The following EPB41 variants were observed in gnomAD, a reference collection of about 807,000 sequenced individuals.
EPB41 encodes the protein protein 4.1.
A neutral mutation model predicts 108.0 loss-of-function variants in EPB41; 65 were observed. The ratio of observed to expected loss-of-function variants is 0.60; its 90% CI spans 0.49 to 0.74. The LOEUF (loss-of-function observed/expected upper bound fraction) is 0.74, where lower values mean the gene tolerates loss of function less well. EPB41 is among the 30% of genes least tolerant of loss of function. The pLI is 0.00. For missense variants in EPB41, 875 were observed against 1,037.0 expected (o/e 0.84, Z 2.15); for synonymous variants, 336 against 358.9 (o/e 0.94, Z 0.72).
chr1:28,912,303 C>G (rs939017577), upstream of EPB41, among the ~76,000 whole-genome samples: 1 of 152,030 alleles, frequency 6.6e-6, no homozygotes, highest in African/African-American at 2.4e-5. Context: ...AGTAGAAAGT[C>G]AAGTAGGGTA....
intron 2 of EPB41, among the ~76,000 whole-genome samples, chr1:28,990,827 A>G (rs1035976414): frequency 4.6e-5 from 7 of 152,210 alleles, no homozygotes; most frequent in African/African-American, 1.2e-4. Flanking sequence ...TCTAAAGTTC[A>G]TAGATTCGTA....
At chr1:29,062,416 T>G (rs1183213187) in intron 15 of EPB41, among the ~76,000 whole-genome samples, 1 of 152,200 alleles carries the variant, frequency 6.6e-6, no homozygotes, top group Admixed American at 6.5e-5. Context: ...AGCATTTCAT[T>G]GACAGCCCTG....
chr1:28,959,054 C>G (rs1429368539), intron 1 of EPB41, among the ~76,000 whole-genome samples: 1 of 151,124 alleles, frequency 6.6e-6, no homozygotes, highest in Non-Finnish European at 1.5e-5. Context: ...AAGGCAGATG[C>G]AGGGAAGTGC....
At chr1:28,998,487 G>C (rs1409292047) in intron 4 of EPB41, among the ~76,000 whole-genome samples, 2 of 152,170 alleles carry the variant, frequency 1.3e-5, no homozygotes, top group Admixed American at 6.5e-5. Flanking sequence ...AAGAAAAGTT[G>C]AAGGGCAGCA....
chr1:28,972,364 C>G (rs1171404193), intron 1 of EPB41, among the ~76,000 whole-genome samples: 1 of 152,190 alleles, frequency 6.6e-6, no homozygotes, highest in East Asian at 1.9e-4. Context: ...CCAGGTGGTA[C>G]ACTTTTAGAC....
chr1:29,112,371 G>A lies in EPB41; in HGVS notation c.2419G>A (p.Val807Ile). 1 of 1,612,852 alleles carries A rather than the reference G, an allele frequency of 6.2e-7. No homozygotes were observed. Among genetic ancestry groups the A allele is most frequent in the Non-Finnish European group, 8.5e-7 (1 of 1,179,190 alleles). Residue 807 changes from valine (V) to isoleucine (I), a missense_variant, in exon 19 of 21, where the codon GTA (valine) becomes ATA (isoleucine). Transcript: ENST00000343067. ...GACATCTTCTCTTTGGTTCCAGACTGTAAAAGGTGGGATTTCAGAGACACG... is the reference window on the plus strand; with the variant it reads ...GACATCTTCTCTTTGGTTCCAGACTATAAAAGGTGGGATTTCAGAGACACG... Reference protein sequence around the residue: ...STTTTQITKTVKGGISETRIE... With the variant: ...STTTTQITKTIKGGISETRIE...
intron 4 of EPB41, among the ~76,000 whole-genome samples, chr1:29,001,425 A>G (rs972144339): frequency 1.3e-5 from 2 of 152,146 alleles, no homozygotes; most frequent in African/African-American, 4.8e-5. Context: ...ATCTCCCATC[A>G]CTATCATCCT....
Position 29,058,613 on chromosome 1 carries a change from A to C in EPB41, c.1870A>C (p.Thr624Pro), listed in dbSNP as rs1028510693. 2 of 1,613,686 alleles carry C rather than the reference A, an allele frequency of 1.2e-6. No individual in the cohort carries two copies. The highest frequency in any genetic ancestry group is 1.7e-5 in the Admixed American group (1 of 59,976). The stretch of plus-strand genomic sequence containing the variant: ...GGTGGAAAAAACCCACATCGAGGTG[A>C]CAGTACCCACCTCAAATGGTGACCA... ...WKVEKTHIEV[T>P]VPTSNGDQTQ... The change falls in exon 13 of 21, where the codon ACA (threonine) becomes CCA (proline). Residue 624 changes from threonine to proline, a missense_variant. Thr to Pro is a conservative substitution (Grantham distance 38). This residue lies in a region of EPB41 where 519 missense variants were observed against 627.3 expected (regional missense o/e 0.83). Coordinates refer to ENST00000343067, the MANE Select transcript of EPB41 (RefSeq NM_001376013.1).
intron 1 of EPB41, among the ~76,000 whole-genome samples, chr1:28,915,298 C>T (rs2092546211): frequency 1.3e-5 from 2 of 152,160 alleles, no homozygotes; most frequent in South Asian, 4.1e-4. Flanking sequence ...AACATGTTCC[C>T]CCTTAGTCTT....
chr1:28,972,592 A>T (rs769942902), intron 1 of EPB41, among the ~76,000 whole-genome samples: 1 of 151,992 alleles, frequency 6.6e-6, no homozygotes, highest in Non-Finnish European at 1.5e-5. Flanking sequence ...TGATTCACTC[A>T]GTATGGCAAG....
chr1:29,057,273 G>T (rs1156534606), intron 12 of EPB41, among the ~76,000 whole-genome samples: 1 of 150,660 alleles, frequency 6.6e-6, no homozygotes, highest in African/African-American at 2.4e-5. Context: ...CTACTTGGGA[G>T]GCTGAGGCAG....
In EPB41 at chr1:28,997,310, A is replaced by G; in HGVS notation, c.777A>G (p.Ala259=). The change falls in exon 4 of 21, where the codon GCA becomes GCG. Residue 259 remains alanine, a synonymous_variant. Transcript: ENST00000343067. Reference sequence around the variant, plus strand: ...TTGGTCTAGCCATTTGGGATAACGCAACCTCTAAGGTGAGGAGACTGCTTG... The same window carrying G: ...TTGGTCTAGCCATTTGGGATAACGCGACCTCTAAGGTGAGGAGACTGCTTG... ...DYFGLAIWDN[A]TSKTWLDSAK... is the part of the protein sequence containing the mutation. 1 of 1,604,652 alleles carries G rather than the reference A, an allele frequency of 6.2e-7. No individual in the cohort carries two copies. Among genetic ancestry groups the G allele is most frequent in the Non-Finnish European group, 8.5e-7 (1 of 1,171,386 alleles).
chr1:29,092,722 G>T (rs1219787201), intron 16 of EPB41, among the ~76,000 whole-genome samples: 1 of 151,872 alleles, frequency 6.6e-6, no homozygotes, highest in Non-Finnish European at 1.5e-5. Flanking sequence ...CCTCAAGTAG[G>T]CCCTGGTGTC....
At position 29,018,051 on chromosome 1, in the gene EPB41, CA is replaced by C. The variant is rs2150058056; in HGVS notation, c.906-171del. ...AATAGCGCAATGAACTACCATATAC[CA>C]ACTACCTAGATTGAAGTTATTATTA... On this transcript the variant is annotated intron_variant, in intron 6 of 20. Transcript: ENST00000343067. The surrounding 1 kb of genome is among the most constrained non-coding windows in gnomAD (Gnocchi z 4.4). 6.6e-6 allele frequency among the ~76,000 whole-genome samples: 1 copy of C among 151,978 alleles called. No individual in the cohort carries two copies. The highest frequency in any genetic ancestry group is 2.4e-5 in the African/African-American group (1 of 41,442).
chr1:29,061,572 G>GTTTTTTTT lies in EPB41; in HGVS notation c.2007+1107_2007+1114dup, dbSNP rs34413393. Among the ~76,000 whole-genome samples, 448 of 64,036 alleles carry GTTTTTTTT rather than the reference G, an allele frequency of 7.0e-3. 84 individuals carry two copies. The highest frequency in any genetic ancestry group is 0.025 in the African/African-American group (406 of 16,296). The allele number at this position is 64,036 out of a possible 152,430, so 42.0% of individuals were successfully genotyped here. A position where few individuals can be genotyped will look rare whatever the true frequency, so the allele number is the denominator to read the frequency against. ...GCGTGAGCCACTGCGCCTGGCCTTT[G>GTTTTTTTT]TTTTTTTTTTTTTTTTTTTTTTTTT... On this transcript the variant is annotated intron_variant, in intron 15 of 20. Transcript: ENST00000343067.
chr1:28,954,732 T>C (rs574102801), intron 1 of EPB41, among the ~76,000 whole-genome samples: 1 of 152,328 alleles, frequency 6.6e-6, no homozygotes, highest in Admixed American at 6.5e-5. Context: ...GTTTAAGGCA[T>C]GTTTGGTTTA....
At chr1:28,915,731 C>CTTTTTTTTTTTTTTTTTTTTTTTTTTGTT (rs11321625) in intron 1 of EPB41, among the ~76,000 whole-genome samples, 1 of 56,074 alleles carries the variant, frequency 1.8e-5, no homozygotes, top group Non-Finnish European at 3.1e-5. Flanking sequence ...TTTTCAGATG[C>CTTTTTTTTTTTTTTTTTTTTTTTTTTGTT]TTTTTTTTTT....
intron 6 of EPB41, 21 bp downstream of exon 6, chr1:29,015,788 T>G (rs1364565763): frequency 1.4e-6 from 2 of 1,437,872 alleles, no homozygotes; most frequent in Non-Finnish European, 2.0e-6. Flanking sequence ...AATAGTTAAA[T>G]ATGTAATTTA....
chr1:28,934,438 A>G (rs1303295951), intron 1 of EPB41, among the ~76,000 whole-genome samples: 2 of 150,848 alleles, frequency 1.3e-5, no homozygotes, highest in Admixed American at 6.6e-5. Flanking sequence ...GTTGTACTCT[A>G]CCTCCTTGAG....
Sources: allele counts gnomAD v4.1 joint callset (sites outside exome capture counted in the v4.1 genomes callset), GRCh38; gene constraint gnomAD v4.1.1; regional missense constraint gnomAD v4.1.1; non-coding constraint Gnocchi (gnomAD v3.1); transcripts MANE v1.5; gene names NCBI Gene and HGNC (gene_info 2026-07-23, HGNC 2026-07-21).